ZNF853: variants seen among roughly 807,000 people sequenced by gnomAD.
ZNF853 encodes the protein zinc finger protein 853.
Under a neutral mutation model 94.7 loss-of-function variants are expected in ZNF853, and 57 were observed. The ratio of observed to expected loss-of-function variants is 0.60; its 90% CI spans 0.49 to 0.75. The LOEUF (loss-of-function observed/expected upper bound fraction) is 0.75. Among genes scored for constraint, ZNF853 ranks in the 30% least tolerant of loss-of-function variants. ZNF853 has a pLI of 0.00. For missense variants in ZNF853, 785 were observed against 868.9 expected, an observed-to-expected ratio of 0.90 and a Z score of 1.21; for synonymous variants, 448 against 406.3, an observed-to-expected ratio of 1.10 and a Z score of -1.23.
intron 2 of ZNF853, among the ~76,000 whole-genome samples, chr7:6,618,835 G>A: frequency 2.0e-5 from 3 of 152,136 alleles, no homozygotes; most frequent in Non-Finnish European, 4.4e-5. Context: ...CCTCCCAGAA[G>A]AGGTGGGAGA....
intron 2 of ZNF853, among the ~76,000 whole-genome samples, chr7:6,619,856 G>A: frequency 6.6e-6 from 1 of 152,080 alleles, no homozygotes; most frequent in African/African-American, 2.4e-5. Flanking sequence ...TTTTTGCAGG[G>A]CCTCCCAGGT....
At position 6,621,132 on chromosome 7, in the gene ZNF853, T is replaced by C; in HGVS notation, c.141T>C (p.Gly47=). The part of the protein sequence containing the change: ...PGPDTLSGGS[G]GSESQEEEEP... ...CCATTTCTTCCACAGGTGGCAGCGG[T>C]GGGAGCGAGAGTCAGGAGGAGGAAG... The change falls in exon 3 of 3, where the codon GGT becomes GGC. Residue 47 remains glycine, a synonymous_variant. Coordinates refer to ENST00000457543, the MANE Select transcript of ZNF853 (RefSeq NM_017560.3). The C allele has an allele frequency of 6.8e-7, 1 of 1,462,994 alleles. No individual in the cohort carries two copies. Among genetic ancestry groups the C allele is most frequent in the Non-Finnish European group, 9.0e-7 (1 of 1,107,334 alleles). 90.6% of individuals were successfully genotyped at this position (1,462,994 alleles called of 1,614,324 possible). A position where few individuals can be genotyped will look rare whatever the true frequency, so the allele number is the denominator to read the frequency against.
Position 6,615,957 on chromosome 7 carries a change from G to A in ZNF853, c.-218G>A. ...AGTCTCCACCAACTTCTGCTCGGCC[G>A]CTCCTCTCAGCCCCTTCCCTTGGCC... On this transcript the variant is annotated 5_prime_UTR_variant, in exon 1 of 3. Transcript: ENST00000457543. The surrounding 1 kb of genome is among the most constrained non-coding windows in gnomAD (Gnocchi z 8.5). The A allele has an allele frequency of 4.5e-6, 2 of 448,532 alleles. No individual in the cohort carries two copies. Among genetic ancestry groups the A allele is most frequent in the Non-Finnish European group, 8.0e-6 (2 of 251,024 alleles). The allele number at this position is 448,532 out of a possible 1,614,324, so 27.8% of individuals were successfully genotyped here.
chr7:6,619,385 C>T, intron 2 of ZNF853, among the ~76,000 whole-genome samples: 1 of 152,054 alleles, frequency 6.6e-6, no homozygotes, highest in Admixed American at 6.6e-5. Flanking sequence ...GATTCCCCAG[C>T]CTCAGCCTCC....
chr7:6,619,521 C>T, intron 2 of ZNF853, among the ~76,000 whole-genome samples: 11 of 152,170 alleles, frequency 7.2e-5, no homozygotes, highest in East Asian at 1.9e-4. Flanking sequence ...CCATCTGCCT[C>T]GGCCTCCCAA....
chr7:6,620,896 G>A, intron 2 of ZNF853, among the ~76,000 whole-genome samples: 2 of 152,230 alleles, frequency 1.3e-5, no homozygotes, highest in African/African-American at 4.8e-5. Context: ...TTACAGGCGT[G>A]AGCCACTGTG....
In ZNF853 at chr7:6,623,706, C is replaced by A. The variant is rs191820489; in HGVS notation, c.*735C>A. On this transcript the variant is annotated 3_prime_UTR_variant, in exon 3 of 3. Transcript: ENST00000457543. The stretch of plus-strand genomic sequence containing the variant: ...AGCTTCTTGGCCTCTGCTGCTGTGT[C>A]CCCCAGTCCCCCCAGCCCGCATTAA... 158 of 192,774 alleles carry A rather than the reference C, an allele frequency of 8.2e-4. 1 individual carries two copies. Among genetic ancestry groups the A allele is most frequent in the African/African-American group, 3.5e-3 (153 of 43,362 alleles). 11.9% of individuals were successfully genotyped at this position (192,774 alleles called of 1,614,324 possible). A position where few individuals can be genotyped will look rare whatever the true frequency, so the allele number is the denominator to read the frequency against.
chr7:6,622,389 C>T lies in ZNF853; in HGVS notation c.1398C>T (p.Ser466=), dbSNP rs755246355. The change falls in exon 3 of 3, where the codon AGC becomes AGT. Residue 466 remains serine, a synonymous_variant. Coordinates refer to ENST00000457543, the MANE Select transcript of ZNF853 (RefSeq NM_017560.3). ...AVVAIPGPAG[S]AALTPARQRR... Reference sequence around the variant, plus strand: ...TGGCCATCCCGGGCCCGGCAGGCAGCGCGGCGTTGACCCCTGCACGGCAGC... The same window carrying T: ...TGGCCATCCCGGGCCCGGCAGGCAGTGCGGCGTTGACCCCTGCACGGCAGC... 33 of 1,392,742 alleles carry T rather than the reference C, an allele frequency of 2.4e-5. No individual in the cohort carries two copies. The South Asian group carries it at 3.5e-4, about 15-fold the overall frequency. 86.3% of individuals were successfully genotyped at this position (1,392,742 alleles called of 1,614,324 possible).
intron 2 of ZNF853, among the ~76,000 whole-genome samples, chr7:6,619,203 C>T: frequency 6.6e-6 from 1 of 151,920 alleles, no homozygotes; most frequent in East Asian, 1.9e-4. Context: ...CCATGCCCGG[C>T]TAATTTTTGT....
Position 6,622,164 on chromosome 7 carries a change from G to C in ZNF853, c.1173G>C (p.Val391=). Residue 391 remains valine, a synonymous_variant, in exon 3 of 3, where the codon GTG becomes GTC. Transcript: ENST00000457543. ...AGGTGCAGCTGGAGCTGACCCCGGTGGAGCTAGGCGCCCAGCAGCAGGAGG... is the reference window on the plus strand; with the variant it reads ...AGGTGCAGCTGGAGCTGACCCCGGTCGAGCTAGGCGCCCAGCAGCAGGAGG... ...QQEVQLELTP[V]ELGAQQQEVQ... is the part of the protein sequence containing the mutation. 1 of 1,542,084 alleles carries C rather than the reference G, an allele frequency of 6.5e-7. No individual in the cohort carries two copies. The highest frequency in any genetic ancestry group is 8.7e-7 in the Non-Finnish European group (1 of 1,146,478).
At chr7:6,620,877 G>A in intron 2 of ZNF853, among the ~76,000 whole-genome samples, 1 of 152,224 alleles carries the variant, frequency 6.6e-6, no homozygotes, top group South Asian at 2.1e-4. Flanking sequence ...GCCTCTCAAA[G>A]TGCTGGGATT....
rs1782637512 is a variant in ZNF853, at chr7:6,622,237, G to A, written c.1246G>A (p.Val416Met). ...GCAGCCGGAGCTGCAGCTGGAACTG[G>A]TGCCAGCCGCAGGGGGCGGCGGAGC... ...PVQPELQLEL[V>M]PAAGGGGAAV... Residue 416 changes from valine to methionine, a missense_variant, in exon 3 of 3, where the codon GTG (valine) becomes ATG (methionine). By Grantham distance (21) the Val-to-Met change is conservative. Coordinates refer to ENST00000457543, the MANE Select transcript of ZNF853 (RefSeq NM_017560.3). 6.5e-7 allele frequency: 1 copy of A among 1,527,838 alleles called. No individual in the cohort carries two copies. The highest frequency in any genetic ancestry group is 8.8e-7 in the Non-Finnish European group (1 of 1,141,114). 94.6% of individuals were successfully genotyped at this position (1,527,838 alleles called of 1,614,324 possible). A position where few individuals can be genotyped will look rare whatever the true frequency, so the allele number is the denominator to read the frequency against.
rs368198120 is a variant in ZNF853, at chr7:6,617,252, C to A, written c.75C>A (p.Phe25Leu). ...RMEVGPATETFVLELQCLEDG... is the reference protein window; with the variant it reads ...RMEVGPATETLVLELQCLEDG... Reference sequence around the variant, plus strand: ...AAGTGGGGCCAGCCACCGAGACCTTCGTGCTGGAACTTCAATGTCTTGAGG... The same window carrying A: ...AAGTGGGGCCAGCCACCGAGACCTTAGTGCTGGAACTTCAATGTCTTGAGG... Residue 25 changes from phenylalanine to leucine, a missense_variant, in exon 2 of 3, where the codon TTC becomes TTA. Physicochemically the swap from Phe to Leu is conservative, Grantham distance 22. Coordinates refer to ENST00000457543, the MANE Select transcript of ZNF853 (RefSeq NM_017560.3). 3.6e-5 allele frequency: 55 copies of A among 1,529,830 alleles called. No individual in the cohort carries two copies. Among genetic ancestry groups the A allele is most frequent in the Non-Finnish European group, 4.7e-5 (53 of 1,135,936 alleles). The allele number at this position is 1,529,830 out of a possible 1,614,324, so 94.8% of individuals were successfully genotyped here. A position where few individuals can be genotyped will look rare whatever the true frequency, so the allele number is the denominator to read the frequency against.
chr7:6,616,142 C>A lies in ZNF853; in HGVS notation c.-33C>A. 6.5e-7 allele frequency: 1 copy of A among 1,544,348 alleles called. No homozygotes were observed. The highest frequency in any genetic ancestry group is 8.8e-7 in the Non-Finnish European group (1 of 1,142,734). On this transcript the variant is annotated 5_prime_UTR_variant, in exon 1 of 3. Coordinates refer to ENST00000457543, the MANE Select transcript of ZNF853 (RefSeq NM_017560.3). ...ACCTCGCAGCCTCTGCTGACCACAC[C>A]TCCCTAGCGCAGAGGCTGCCCGGGA...
Position 6,617,132 on chromosome 7 carries a change from C to A in ZNF853, c.13-58C>A. 5.0e-6 allele frequency: 7 copies of A among 1,406,610 alleles called. No individual in the cohort carries two copies. The South Asian group carries it at 9.1e-5, about 18-fold the overall frequency. The allele number at this position is 1,406,610 out of a possible 1,614,324, so 87.1% of individuals were successfully genotyped here. A position where few individuals can be genotyped will look rare whatever the true frequency, so the allele number is the denominator to read the frequency against. On this transcript the variant is annotated intron_variant, in intron 1 of 2. Coordinates refer to ENST00000457543, the MANE Select transcript of ZNF853 (RefSeq NM_017560.3). Reference sequence around the variant, plus strand: ...GAGGGCCTTTGGGGGCCTGTGGGCACCTGGCGGGGGTCAAAGCACTCCAGC... The same window carrying A: ...GAGGGCCTTTGGGGGCCTGTGGGCAACTGGCGGGGGTCAAAGCACTCCAGC...
Position 6,616,196 on chromosome 7 carries a change from A to AG in ZNF853, c.12+15dup. 1 of 1,547,732 alleles carries AG rather than the reference A, an allele frequency of 6.5e-7. No individual in the cohort carries two copies. The highest frequency in any genetic ancestry group is 8.7e-7 in the Non-Finnish European group (1 of 1,144,796). ...GGAAATGCTCCACCAGGTGAGGCCC[A>AG]GGGGGTCGTTGGCGCTGGGCAACCG... On this transcript the variant is annotated intron_variant, in intron 1 of 2. Coordinates refer to ENST00000457543, the MANE Select transcript of ZNF853 (RefSeq NM_017560.3).
chr7:6,616,796 T>C, intron 1 of ZNF853, among the ~76,000 whole-genome samples: 2,024 of 151,968 alleles, frequency 0.013, 39 homozygotes, highest in Non-Finnish European at 0.014. Context: ...AGGATGTTGA[T>C]GGACAGTCTC....
chr7:6,622,275 G>C lies in ZNF853; in HGVS notation c.1284G>C (p.Gly428=), dbSNP rs762860489. 8.0e-6 allele frequency: 12 copies of C among 1,504,232 alleles called. No individual in the cohort carries two copies. In the African/African-American group the frequency reaches 1.4e-4, roughly 17 times the overall value. 93.2% of individuals were successfully genotyped at this position (1,504,232 alleles called of 1,614,324 possible). A position where few individuals can be genotyped will look rare whatever the true frequency, so the allele number is the denominator to read the frequency against. ...GGGGCGGCGGAGCGGCGGTCCCGGGGGCTCCGGCCGCGGTCGTGGTGGCTC... is the reference window on the plus strand; with the variant it reads ...GGGGCGGCGGAGCGGCGGTCCCGGGCGCTCCGGCCGCGGTCGTGGTGGCTC... The part of the protein sequence containing the change: ...AAGGGGAAVP[G]APAAVVVAPP... The change falls in exon 3 of 3, where the codon GGG becomes GGC. Residue 428 remains glycine, a synonymous_variant. Transcript: ENST00000457543.
At chr7:6,618,261 C>T in intron 2 of ZNF853, among the ~76,000 whole-genome samples, 1 of 152,068 alleles carries the variant, frequency 6.6e-6, no homozygotes, top group African/African-American at 2.4e-5. Context: ...CATGCCACTG[C>T]ACTCCAGCCT....
Sources: allele counts gnomAD v4.1 joint callset (sites outside exome capture counted in the v4.1 genomes callset), GRCh38; gene constraint gnomAD v4.1.1; non-coding constraint Gnocchi (gnomAD v3.1); transcripts MANE v1.5; gene names NCBI Gene and HGNC (gene_info 2026-07-23, HGNC 2026-07-21).